Variants in CSMD3 observed in about 807,000 individuals in gnomAD.
CSMD3 encodes the protein CUB and sushi domain-containing protein 3.
Under a neutral mutation model 435.2 loss-of-function variants are expected in CSMD3, and 177 were observed. The ratio of observed to expected loss-of-function variants is 0.41; its 90% CI spans 0.36 to 0.46. CSMD3 has a LOEUF of 0.46. Ranked by LOEUF, CSMD3 falls within the 20% of genes least tolerant of loss-of-function variation. The pLI is 0.34. For synonymous variants in CSMD3, 1,656 were observed against 1,520.5 expected, an observed-to-expected ratio of 1.09 and a Z score of -2.07; for missense variants, 4,265 against 4,504.6, an observed-to-expected ratio of 0.95 and a Z score of 1.52.
intron 63 of CSMD3, among the ~76,000 whole-genome samples, chr8:112,251,044 T>C (rs992021660): frequency 3.3e-5 from 5 of 151,694 alleles, no homozygotes; most frequent in African/African-American, 1.2e-4. Flanking sequence ...TTCCCTTCCA[T>C]GAGATTTCAT....
chr8:112,233,465 T>A (rs1377718829), intron 68 of CSMD3, among the ~76,000 whole-genome samples: 1 of 152,150 alleles, frequency 6.6e-6, no homozygotes, highest in Non-Finnish European at 1.5e-5. Context: ...ACAATCTGAG[T>A]GCATTGAAGA....
chr8:113,357,024 C>T (rs2094234647), intron 1 of CSMD3, among the ~76,000 whole-genome samples: 1 of 151,986 alleles, frequency 6.6e-6, no homozygotes, highest in South Asian at 2.1e-4. Flanking sequence ...TACTTAAAAA[C>T]TCCTTAGACC....
At chr8:113,225,658 A>C (rs763705048) in intron 3 of CSMD3, among the ~76,000 whole-genome samples, 2 of 151,540 alleles carry the variant, frequency 1.3e-5, no homozygotes, top group Non-Finnish European at 3.0e-5. Context: ...AATTTCTTTG[A>C]GCGCACTCTG....
chr8:113,093,190 A>C (rs2090060270), intron 5 of CSMD3, among the ~76,000 whole-genome samples: 1 of 152,112 alleles, frequency 6.6e-6, no homozygotes. Context: ...GCAAGAGAGA[A>C]AGTAATCTGG....
At chr8:113,073,439 T>C (rs1201849122) in intron 5 of CSMD3, among the ~76,000 whole-genome samples, 1 of 151,844 alleles carries the variant, frequency 6.6e-6, no homozygotes, top group Non-Finnish European at 1.5e-5. Flanking sequence ...CAAGTAATTC[T>C]TACTGCTCAC....
At chr8:112,868,492 A>C (rs1216598739) in intron 10 of CSMD3, among the ~76,000 whole-genome samples, 1 of 152,170 alleles carries the variant, frequency 6.6e-6, no homozygotes, top group African/African-American at 2.4e-5. Flanking sequence ...ATCACCAAAA[A>C]CACATGAGTA....
At chr8:113,129,030 A>G (rs2091216345) in intron 4 of CSMD3, among the ~76,000 whole-genome samples, 1 of 152,204 alleles carries the variant, frequency 6.6e-6, no homozygotes, top group South Asian at 2.1e-4. Flanking sequence ...TCCATTTGGA[A>G]GTAATCAGTA....
chr8:112,390,281 GC>G (rs1180657150), intron 36 of CSMD3, among the ~76,000 whole-genome samples: 4 of 152,200 alleles, frequency 2.6e-5, no homozygotes, highest in African/African-American at 9.7e-5. Flanking sequence ...TACGCCTAGA[GC>G]TTTTGCAGCC....
chr8:113,115,106 C>A lies in CSMD3; in HGVS notation c.710-16143G>T, dbSNP rs138282936. 1.5e-4 allele frequency among the ~76,000 whole-genome samples: 23 copies of A among 152,252 alleles called. No homozygotes were observed. The East Asian group carries it at 4.1e-3, about 27-fold the overall frequency. On this transcript the variant is annotated intron_variant, in intron 4 of 70. Coordinates refer to ENST00000297405, the MANE Select transcript of CSMD3 (RefSeq NM_198123.2). The stretch of plus-strand genomic sequence containing the variant: ...GCCTTCCAGGTGAATCTCATCCTTG[C>A]TAACCTTTGAGATACACTGACCTAG...
chr8:112,845,290 G>A (rs1243175749), intron 11 of CSMD3, among the ~76,000 whole-genome samples: 1 of 151,988 alleles, frequency 6.6e-6, no homozygotes, highest in African/African-American at 2.4e-5. Context: ...GAAAATAAGT[G>A]CACAAACATG....
intron 1 of CSMD3, among the ~76,000 whole-genome samples, chr8:113,384,401 A>G (rs1219845360): frequency 6.6e-6 from 1 of 152,192 alleles, no homozygotes; most frequent in East Asian, 1.9e-4. Context: ...GGATCCAGAC[A>G]GGAAGACAAA....
chr8:112,605,347 T>C (rs1023647907), intron 22 of CSMD3, among the ~76,000 whole-genome samples: 4 of 152,130 alleles, frequency 2.6e-5, no homozygotes, highest in African/African-American at 9.7e-5. Flanking sequence ...CATTGCACTA[T>C]TCAAAATAGT....
intron 12 of CSMD3, among the ~76,000 whole-genome samples, chr8:112,804,079 G>A (rs1170999971): frequency 2.0e-5 from 3 of 152,194 alleles, no homozygotes; most frequent in Admixed American, 6.5e-5. Flanking sequence ...AGTGAGCTGC[G>A]TGAAACTGCA....
intron 2 of CSMD3, among the ~76,000 whole-genome samples, chr8:113,286,661 G>T (rs1224594972): frequency 1.3e-5 from 2 of 151,282 alleles, no homozygotes; most frequent in Non-Finnish European, 1.5e-5. Context: ...ATTTTTTCTG[G>T]GAGAGTTGAG....
At chr8:112,824,534 A>G (rs1381826969) in intron 12 of CSMD3, among the ~76,000 whole-genome samples, 2 of 152,086 alleles carry the variant, frequency 1.3e-5, no homozygotes, top group African/African-American at 4.8e-5. Flanking sequence ...TCTTCTTTTG[A>G]AAGGGTTTTA....
intron 10 of CSMD3, among the ~76,000 whole-genome samples, chr8:112,885,055 C>T (rs2081552001): frequency 6.6e-6 from 1 of 151,686 alleles, no homozygotes; most frequent in East Asian, 2.0e-4. Context: ...TAAAAGCTAT[C>T]TTATTATGTA....
intron 3 of CSMD3, 34 bp downstream of exon 3, chr8:113,278,558 G>T (rs2093589296): frequency 3.1e-6 from 3 of 969,620 alleles, no homozygotes; most frequent in South Asian, 2.6e-5. Context: ...ATTACATTAA[G>T]GGCAGTGGTT....
intron 47 of CSMD3, among the ~76,000 whole-genome samples, chr8:112,318,198 C>T (rs1277573858): frequency 1.3e-5 from 2 of 151,980 alleles, no homozygotes; most frequent in African/African-American, 4.8e-5. Flanking sequence ...GAATAAGACT[C>T]ATTGTCATTT....
In CSMD3 at chr8:112,738,048, G is replaced by A. The variant is rs1012464335; in HGVS notation, c.1973-47998C>T. Among the ~76,000 whole-genome samples, 6 of 151,802 alleles carry A rather than the reference G, an allele frequency of 4.0e-5. No homozygotes were observed. In the East Asian group the frequency reaches 1.2e-3, roughly 29 times the overall value. On this transcript the variant is annotated intron_variant, in intron 13 of 70. Transcript: ENST00000297405. ...GTGAAAAATAGTCTTGATCAGTAAA[G>A]AACATGTAAGCACACAGTGATAAGA...
Sources: allele counts gnomAD v4.1 joint callset (sites outside exome capture counted in the v4.1 genomes callset), GRCh38; gene constraint gnomAD v4.1.1; transcripts MANE v1.5; gene names NCBI Gene and HGNC (gene_info 2026-07-23, HGNC 2026-07-21).